YME1L1: variants seen among roughly 807,000 people sequenced by gnomAD.
YME1L1 encodes the protein ATP-dependent zinc metalloprotease YME1L1.
A neutral mutation model predicts 90.4 loss-of-function variants in YME1L1; 39 were observed. The observed-to-expected ratio is 0.43, with a 90% CI of 0.33 to 0.56. The LOEUF (loss-of-function observed/expected upper bound fraction) is 0.56, where lower values mean the gene tolerates loss of function less well. YME1L1 is among the 20% of genes least tolerant of loss of function. The pLI, the probability that YME1L1 is intolerant of heterozygous loss-of-function variation, is 0.03. For missense variants in YME1L1, 617 were observed against 868.4 expected, an observed-to-expected ratio of 0.71 and a Z score of 3.64; for synonymous variants, 284 against 287.3, an observed-to-expected ratio of 0.99 and a Z score of 0.12.
In YME1L1 at chr10:27,111,967, AAG is replaced by A; in HGVS notation, c.*8_*9del. The A allele has an allele frequency of 1.9e-6, 3 of 1,613,950 alleles. No individual in the cohort carries two copies. The highest frequency in any genetic ancestry group is 1.1e-5 in the South Asian group (1 of 91,056). On this transcript the variant is annotated 3_prime_UTR_variant, in exon 19 of 19. Coordinates refer to ENST00000376016, the MANE Select transcript of YME1L1 (RefSeq NM_014263.4). ...AATAAAACCAGCAAGCATCCATATC[AAG>A]AGAGTTATCATCTCACTTCCAACTT...
At chr10:27,123,111 A>C (rs891014803) in intron 10 of YME1L1, 138 bp from the exon 11 acceptor site, 2 of 1,084,696 alleles carry the variant, frequency 1.8e-6, no homozygotes, top group Non-Finnish European at 2.6e-6. Flanking sequence ...GTCATTTTTT[A>C]CTGACTTAAA....
At chr10:27,142,171 T>C (rs149342079) in intron 4 of YME1L1, among the ~76,000 whole-genome samples, 1 of 152,288 alleles carries the variant, frequency 6.6e-6, no homozygotes, top group East Asian at 1.9e-4. Context: ...TCCCTGGAGT[T>C]TGATTTATTG....
rs1024832815 is a variant in YME1L1 at position 27,111,099 on chromosome 10, AG to A, written c.*877del. ...GAGGCAGAGTCTTGCTCTGTTGCCC[AG>A]GCTGGAGTGCAGTGGCATGATCTCA... is the stretch of plus-strand genomic sequence containing the variant. On this transcript the variant is annotated 3_prime_UTR_variant, in exon 19 of 19. Coordinates refer to ENST00000376016, the MANE Select transcript of YME1L1 (RefSeq NM_014263.4). The A allele has an allele frequency of 4.0e-4, 61 of 152,164 alleles. No individual in the cohort carries two copies. Among genetic ancestry groups the A allele is most frequent in the African/African-American group, 1.3e-3 (56 of 41,484 alleles). The allele number at this position is 152,164 out of a possible 1,614,324, so 9.4% of individuals were successfully genotyped here.
intron 9 of YME1L1, among the ~76,000 whole-genome samples, chr10:27,125,956 C>T (rs895029302): frequency 2.0e-5 from 3 of 152,074 alleles, no homozygotes; most frequent in Admixed American, 6.6e-5. Context: ...GGATTAAAGG[C>T]GTGAGCCACC....
intron 9 of YME1L1, among the ~76,000 whole-genome samples, chr10:27,125,724 T>G (rs1000810049): frequency 3.3e-5 from 5 of 149,346 alleles, no homozygotes; most frequent in African/African-American, 1.2e-4. Context: ...CACTGCAACC[T>G]CTGCCTCCTA....
At position 27,147,592 on chromosome 10, in the gene YME1L1, G is replaced by A. The variant is rs1436841805; in HGVS notation, c.168+1314C>T. 3 of 1,582,116 alleles carry A rather than the reference G, an allele frequency of 1.9e-6. No homozygotes were observed. In the South Asian group the frequency reaches 3.4e-5, roughly 18 times the overall value. ...CCTTTTTGCTGGCTCCATGAACATG[G>A]ATCTGTACCCTTCGAATATTTTTCC... On this transcript the variant is annotated intron_variant, in intron 2 of 18. Transcript: ENST00000376016.
chr10:27,111,985 C>G lies in YME1L1; in HGVS notation c.2143G>C (p.Val715Leu), dbSNP rs1424100620. 6.2e-7 allele frequency: 1 copy of G among 1,613,924 alleles called. No homozygotes were observed. Among genetic ancestry groups the G allele is most frequent in the Non-Finnish European group, 8.5e-7 (1 of 1,180,018 alleles). Residue 715 changes from valine to leucine, a missense_variant, in exon 19 of 19, where the codon GTG becomes CTG. Physicochemically the swap from Val to Leu is conservative, Grantham distance 32 (BLOSUM62 1). Around this residue, in one of 4 missense-constraint regions of YME1L1, gnomAD observed 212 missense variants for 330.0 expected, o/e 0.64. Transcript: ENST00000376016. ...CCATATCAAGAGAGTTATCATCTCA[C>G]TTCCAACTTTTTCCCCTCAAGAACA... ...QIVLEGKKLEVR is the reference protein window; with the variant it reads ...QIVLEGKKLELR
intron 3 of YME1L1, among the ~76,000 whole-genome samples, chr10:27,142,793 G>A (rs979325105): frequency 2.6e-5 from 4 of 152,056 alleles, no homozygotes; most frequent in African/African-American, 9.7e-5. Flanking sequence ...TCGGCTCACC[G>A]CAAGCTCTGC....
chr10:27,145,397 T>C (rs766939531), intron 3 of YME1L1, 31 bp downstream of exon 3: 28 of 1,538,216 alleles, frequency 1.8e-5, no homozygotes, highest in Non-Finnish European at 2.5e-5. Flanking sequence ...TGCTAAAATA[T>C]TTAATTGGAA....
intron 4 of YME1L1, among the ~76,000 whole-genome samples, chr10:27,140,770 C>T (rs1246511570): frequency 6.6e-6 from 1 of 152,164 alleles, no homozygotes; most frequent in Non-Finnish European, 1.5e-5. Context: ...AGCCACTGTG[C>T]CTGGCCGTAT....
chr10:27,127,036 G>T (rs1462663243), intron 8 of YME1L1, among the ~76,000 whole-genome samples: 1 of 152,094 alleles, frequency 6.6e-6, no homozygotes, highest in Non-Finnish European at 1.5e-5. Context: ...CATTTTCTCA[G>T]TGAGAAAACA....
At position 27,126,771 on chromosome 10, in the gene YME1L1, G is replaced by A. The variant is rs2056923819; in HGVS notation, c.874C>T (p.Gln292Ter). 2 of 1,586,364 alleles carry A rather than the reference G, an allele frequency of 1.3e-6. No homozygotes were observed. The highest frequency in any genetic ancestry group is 1.7e-6 in the Non-Finnish European group (2 of 1,168,662). ...AATTCAACAACTTCCTGTAATTCTT[G>A]TTTAGCTTCCTCCACCTAAAGTGAC... Reference protein sequence around the residue: ...EHVKGVEEAKQELQEVVEFLK... With the variant: ...EHVKGVEEAK The change falls in exon 9 of 19, where the codon CAA becomes TAA. Residue 292 changes from glutamine (Q) to a stop codon, truncating the protein, a stop_gained. Transcript: ENST00000376016. LOFTEE classifies it high-confidence loss of function.
intron 2 of YME1L1, chr10:27,147,053 T>C: frequency 3.8e-6 from 1 of 265,846 alleles, no homozygotes; most frequent in Non-Finnish European, 7.1e-6. Context: ...CAAAAAGCCA[T>C]CCAAGGGTCT....
In YME1L1 at chr10:27,145,375, AATT is replaced by A. The variant is rs955461330; in HGVS notation, c.331+50_331+52del. On this transcript the variant is annotated intron_variant, in intron 3 of 18. Coordinates refer to ENST00000376016, the MANE Select transcript of YME1L1 (RefSeq NM_014263.4). ...GTGAAAGCTAAGAAATGGTATCTAT[AATT>A]ATTAATAGTGCTAAAATATTTAATT... 4.2e-5 allele frequency: 60 copies of A among 1,412,326 alleles called. No individual in the cohort carries two copies. In the African/African-American group the frequency reaches 7.2e-4, roughly 17 times the overall value. 87.5% of individuals were successfully genotyped at this position (1,412,326 alleles called of 1,614,324 possible).
In YME1L1 at chr10:27,129,920, C is replaced by T. The variant is rs1415508449; in HGVS notation, c.858+1939G>A. On this transcript the variant is annotated intron_variant, in intron 8 of 18. Coordinates refer to ENST00000376016, the MANE Select transcript of YME1L1 (RefSeq NM_014263.4). ...TGGTGACCTTGATTCTATCAATTTC[C>T]ACAACCCCCCACCTAACAGTTTACC... Among the ~76,000 whole-genome samples the T allele has an allele frequency of 2.0e-5, 3 of 152,122 alleles. No individual in the cohort carries two copies. In the East Asian group the frequency reaches 5.8e-4, roughly 29 times the overall value.
Position 27,112,008 on chromosome 10 carries a change from A to C in YME1L1, c.2120T>G (p.Val707Gly), listed in dbSNP as rs1271403380. ...ETLDAKEIQI[V>G]LEGKKLEVR Reference sequence around the variant, plus strand: ...CACTTCCAACTTTTTCCCCTCAAGAACAATTTGAATCTCTTTGGCATCCAA... The same window carrying C: ...CACTTCCAACTTTTTCCCCTCAAGACCAATTTGAATCTCTTTGGCATCCAA... Residue 707 changes from valine (V) to glycine (G), a missense_variant, in exon 19 of 19, where the codon GTT becomes GGT. Val to Gly is a moderately radical substitution (Grantham distance 109, BLOSUM62 -3). Coordinates refer to ENST00000376016, the MANE Select transcript of YME1L1 (RefSeq NM_014263.4). 1 of 1,614,004 alleles carries C rather than the reference A, an allele frequency of 6.2e-7. No individual in the cohort carries two copies.
chr10:27,142,020 C>T (rs866175837), intron 4 of YME1L1, among the ~76,000 whole-genome samples: 2 of 152,028 alleles, frequency 1.3e-5, no homozygotes, highest in Non-Finnish European at 1.5e-5. Flanking sequence ...TCAAATTTCT[C>T]GTCCGTTAAC....
intron 14 of YME1L1, among the ~76,000 whole-genome samples, 197 bp from the exon 15 acceptor site, chr10:27,117,924 TA>T (rs2056830214): frequency 6.6e-6 from 1 of 152,196 alleles, no homozygotes. Flanking sequence ...AAATACATTA[TA>T]ACAACTATTT....
At chr10:27,142,806 C>T (rs2057102512) in intron 3 of YME1L1, among the ~76,000 whole-genome samples, 1 of 152,118 alleles carries the variant, frequency 6.6e-6, no homozygotes, top group Non-Finnish European at 1.5e-5. Context: ...AGCTCTGCCT[C>T]CCAGGTTCAC....
Sources: gnomAD v4.1 joint callset for allele counts (sites outside exome capture counted in the v4.1 genomes callset) on GRCh38, gnomAD v4.1.1 for gene constraint, gnomAD v4.1.1 regional missense constraint, MANE v1.5 for transcripts, NCBI Gene and HGNC (gene_info 2026-07-23, HGNC 2026-07-21) for gene names.